Variants in ITGA9 observed in about 807,000 individuals in gnomAD.
ITGA9 encodes the protein integrin alpha-9.
Under a neutral mutation model 127.8 loss-of-function variants are expected in ITGA9, and 56 were observed. That is an observed-to-expected ratio of 0.44 (90% confidence interval 0.35 to 0.55). The LOEUF is 0.55. Ranked by LOEUF, ITGA9 falls within the 20% of genes least tolerant of loss-of-function variation. The pLI is 0.00. For synonymous variants in ITGA9, 508 were observed against 514.5 expected, an observed-to-expected ratio of 0.99 and a Z score of 0.17; for missense variants, 1,196 against 1,347.1, an observed-to-expected ratio of 0.89 and a Z score of 1.76.
intron 1 of ITGA9, among the ~76,000 whole-genome samples, chr3:37,456,499 C>T (rs768376550): frequency 5.9e-5 from 9 of 152,200 alleles, no homozygotes; most frequent in Non-Finnish European, 1.2e-4. Context: ...GGCGTGCAGC[C>T]TCCAGAGCGG....
chr3:37,462,905 G>A (rs1698331216), intron 1 of ITGA9, among the ~76,000 whole-genome samples: 1 of 152,220 alleles, frequency 6.6e-6, no homozygotes, highest in Non-Finnish European at 1.5e-5. Context: ...AGGAAAGGAA[G>A]GGTCAGAGTG....
intron 18 of ITGA9, among the ~76,000 whole-genome samples, chr3:37,699,089 C>G (rs551832755): frequency 2.1e-4 from 32 of 152,308 alleles, no homozygotes; most frequent in African/African-American, 7.7e-4. Flanking sequence ...TTGTTGGGGT[C>G]TCCTTATCTT....
At chr3:37,713,916 G>A (rs571748030) in intron 18 of ITGA9, among the ~76,000 whole-genome samples, 4 of 152,290 alleles carry the variant, frequency 2.6e-5, no homozygotes, top group East Asian at 1.9e-4. Context: ...TCTGTCTCAC[G>A]GTTTAAAAGG....
intron 14 of ITGA9, among the ~76,000 whole-genome samples, chr3:37,535,535 T>A (rs1276566632): frequency 6.6e-6 from 1 of 152,032 alleles, no homozygotes; most frequent in African/African-American, 2.4e-5. Flanking sequence ...GCCCCAGAAG[T>A]GTTGGGGTAA....
intron 5 of ITGA9, among the ~76,000 whole-genome samples, chr3:37,494,900 C>A (rs1409830993): frequency 5.3e-5 from 8 of 152,142 alleles, no homozygotes; most frequent in Non-Finnish European, 1.2e-4. Flanking sequence ...CAGGTTGTGC[C>A]CCATCATTGG....
At chr3:37,699,088 T>C in intron 18 of ITGA9, among the ~76,000 whole-genome samples, 1 of 152,156 alleles carries the variant, frequency 6.6e-6, no homozygotes. Flanking sequence ...TTTGTTGGGG[T>C]CTCCTTATCT....
intron 4 of ITGA9, among the ~76,000 whole-genome samples, chr3:37,488,755 A>G (rs749823234): frequency 6.6e-6 from 1 of 151,872 alleles, no homozygotes; most frequent in Non-Finnish European, 1.5e-5. Flanking sequence ...CCAGGATTGC[A>G]TCACTGCACT....
intron 16 of ITGA9, among the ~76,000 whole-genome samples, chr3:37,642,313 T>C (rs567561118): frequency 6.6e-6 from 1 of 152,212 alleles, no homozygotes; most frequent in African/African-American, 2.4e-5. Flanking sequence ...TGTTATTGTA[T>C]TTACCTCTCT....
At chr3:37,488,989 G>T (rs1277034477) in intron 4 of ITGA9, among the ~76,000 whole-genome samples, 1 of 152,052 alleles carries the variant, frequency 6.6e-6, no homozygotes, top group Non-Finnish European at 1.5e-5. Context: ...CTCATTCCCT[G>T]CTTCCCCTAG....
intron 15 of ITGA9, among the ~76,000 whole-genome samples, chr3:37,560,475 G>GA (rs1699476417): frequency 6.6e-6 from 1 of 152,012 alleles, no homozygotes; most frequent in South Asian, 2.1e-4. Context: ...CCAGTAATGG[G>GA]ATTGCTGGAT....
intron 17 of ITGA9, among the ~76,000 whole-genome samples, chr3:37,657,625 A>C (rs1467353343): frequency 1.3e-5 from 1 of 75,614 alleles, no homozygotes; most frequent in African/African-American, 4.8e-5. Flanking sequence ...TGATCTTTTC[A>C]AAAAAAAAAA....
At chr3:37,664,275 C>T (rs569706974) in intron 17 of ITGA9, among the ~76,000 whole-genome samples, 2 of 152,206 alleles carry the variant, frequency 1.3e-5, no homozygotes, top group East Asian at 3.9e-4. Flanking sequence ...AAAAATCCAC[C>T]AGCAAAGATA....
At chr3:37,592,812 A>G (rs1363557428) in intron 15 of ITGA9, among the ~76,000 whole-genome samples, 3 of 152,182 alleles carry the variant, frequency 2.0e-5, no homozygotes, top group Middle Eastern at 3.2e-3. Context: ...TCATCTGTCA[A>G]GTGCCCAGCA....
At chr3:37,658,106 C>A (rs1700496052) in intron 17 of ITGA9, among the ~76,000 whole-genome samples, 1 of 152,110 alleles carries the variant, frequency 6.6e-6, no homozygotes, top group Non-Finnish European at 1.5e-5. Flanking sequence ...GTTTTACTTC[C>A]AATTACATGG....
intron 15 of ITGA9, among the ~76,000 whole-genome samples, chr3:37,611,381 A>G (rs1189270919): frequency 2.6e-5 from 4 of 152,094 alleles, no homozygotes; most frequent in African/African-American, 9.7e-5. Context: ...CTCCTGGGGG[A>G]GTCAAGAAAG....
intron 23 of ITGA9, among the ~76,000 whole-genome samples, chr3:37,772,357 A>G (rs1443033010): frequency 6.6e-6 from 1 of 152,044 alleles, no homozygotes; most frequent in East Asian, 1.9e-4. Flanking sequence ...TCAGTGAGCC[A>G]AGATCGCACC....
chr3:37,461,659 CAT>C (rs1299794972), intron 1 of ITGA9, among the ~76,000 whole-genome samples: 1 of 152,214 alleles, frequency 6.6e-6, no homozygotes, highest in Non-Finnish European at 1.5e-5. Flanking sequence ...GATATTCTAA[CAT>C]AGACACACTC....
At chr3:37,470,885 A>G in intron 1 of ITGA9, 122 bp from the exon 2 acceptor site, 6 of 962,294 alleles carry the variant, frequency 6.2e-6, no homozygotes, top group Non-Finnish European at 9.9e-6. Context: ...AGAAAAGTAT[A>G]ATAATATGAT....
intron 3 of ITGA9, among the ~76,000 whole-genome samples, chr3:37,481,266 A>G (rs1289367789): frequency 6.6e-6 from 1 of 151,980 alleles, no homozygotes; most frequent in Non-Finnish European, 1.5e-5. Flanking sequence ...TCATTTGTTG[A>G]TATATTTATT....
Sources: allele counts gnomAD v4.1 joint callset (sites outside exome capture counted in the v4.1 genomes callset), GRCh38; gene constraint gnomAD v4.1.1; transcripts MANE v1.5; gene names NCBI Gene and HGNC (gene_info 2026-07-23, HGNC 2026-07-21).